Variants in ROBO2 observed in about 807,000 individuals in gnomAD.
The protein encoded by ROBO2 is roundabout homolog 2.
A neutral mutation model predicts 160.8 loss-of-function variants in ROBO2; 53 were observed. That is an observed-to-expected ratio of 0.33 (90% CI 0.26 to 0.41). The LOEUF (loss-of-function observed/expected upper bound fraction) is 0.41. Ranked by LOEUF, ROBO2 falls within the 10% of genes least tolerant of loss-of-function variation. The probability of loss-of-function intolerance (pLI) is 1.00; values close to 1 mark genes in which losing one functional copy is unlikely to be tolerated. For synonymous variants in ROBO2, 664 were observed against 611.7 expected (o/e 1.09, Z -1.26); for missense variants, 1,577 against 1,722.4 (o/e 0.92, Z 1.49).
intron 19 of ROBO2, among the ~76,000 whole-genome samples, chr3:77,600,229 G>C (rs1198236836): frequency 6.6e-6 from 1 of 152,132 alleles, no homozygotes; most frequent in Non-Finnish European, 1.5e-5. Flanking sequence ...TGGTATTATA[G>C]GACTCTCCTT....
At chr3:76,991,002 G>T (rs1169808529) in intron 2 of ROBO2, among the ~76,000 whole-genome samples, 1 of 152,170 alleles carries the variant, frequency 6.6e-6, no homozygotes, top group Non-Finnish European at 1.5e-5. Flanking sequence ...ATGCCAACTT[G>T]TAAAACCCAG....
intron 2 of ROBO2, among the ~76,000 whole-genome samples, chr3:77,417,848 T>G (rs911251646): frequency 2.0e-4 from 30 of 152,218 alleles, no homozygotes; most frequent in Non-Finnish European, 4.1e-4. Flanking sequence ...TTCTGGAAAG[T>G]TAAACCTAAA....
chr3:76,347,735 G>T (rs144185424), intron 2 of ROBO2, among the ~76,000 whole-genome samples: 1,840 of 151,962 alleles, frequency 0.012, 31 homozygotes, highest in Admixed American at 0.037. Context: ...GCACAAAAAG[G>T]CAACAGAGAA....
At chr3:77,184,570 TG>T (rs553569801) in intron 2 of ROBO2, among the ~76,000 whole-genome samples, 11 of 151,998 alleles carry the variant, frequency 7.2e-5, no homozygotes, top group African/African-American at 2.6e-4. Context: ...AAACAGAGGA[TG>T]GGGTTTGGGT....
intron 2 of ROBO2, among the ~76,000 whole-genome samples, chr3:76,073,860 C>T (rs2068556530): frequency 6.6e-6 from 1 of 151,920 alleles, no homozygotes; most frequent in South Asian, 2.1e-4. Context: ...CAAGGGTTCC[C>T]TTTTAAAAAC....
At chr3:76,389,849 A>C (rs2077064425) in intron 2 of ROBO2, among the ~76,000 whole-genome samples, 1 of 152,198 alleles carries the variant, frequency 6.6e-6, no homozygotes. Flanking sequence ...TTTCAGTTGA[A>C]CATAGATTCC....
chr3:76,714,649 A>G (rs149237089), intron 2 of ROBO2, among the ~76,000 whole-genome samples: 41 of 152,272 alleles, frequency 2.7e-4, no homozygotes, highest in African/African-American at 9.9e-4. Context: ...CAGAATTTGG[A>G]GAGTAGTCTT....
intron 2 of ROBO2, among the ~76,000 whole-genome samples, chr3:76,070,703 T>A (rs1410976591): frequency 6.6e-6 from 1 of 152,102 alleles, no homozygotes; most frequent in Non-Finnish European, 1.5e-5. Context: ...GTTTTAAAGC[T>A]GGGCATCATG....
At chr3:76,432,790 C>T (rs1161227234) in intron 2 of ROBO2, among the ~76,000 whole-genome samples, 1 of 151,206 alleles carries the variant, frequency 6.6e-6, no homozygotes, top group Non-Finnish European at 1.5e-5. Context: ...CACGCATAAC[C>T]GAAAAAACAG....
intron 2 of ROBO2, among the ~76,000 whole-genome samples, chr3:76,450,730 C>G (rs1398790479): frequency 6.6e-6 from 1 of 152,024 alleles, no homozygotes; most frequent in Non-Finnish European, 1.5e-5. Context: ...TAATGAAGAT[C>G]TACAAAGAAG....
intron 2 of ROBO2, among the ~76,000 whole-genome samples, chr3:76,497,529 C>A (rs1341090742): frequency 6.6e-6 from 1 of 152,186 alleles, no homozygotes; most frequent in Non-Finnish European, 1.5e-5. Flanking sequence ...TCTCCAACTA[C>A]TGTACCTAAA....
intron 2 of ROBO2, among the ~76,000 whole-genome samples, chr3:77,114,398 G>T (rs747928883): frequency 1.3e-5 from 2 of 152,144 alleles, no homozygotes; most frequent in African/African-American, 2.4e-5. Flanking sequence ...GCCATGAAAA[G>T]ACTTTTTTCT....
At chr3:76,636,455 T>C (rs752713976) in intron 2 of ROBO2, among the ~76,000 whole-genome samples, 3 of 152,148 alleles carry the variant, frequency 2.0e-5, no homozygotes, top group Non-Finnish European at 4.4e-5. Context: ...CAAGAGAAGC[T>C]CACGGAACCA....
At chr3:77,355,273 G>GAGAA (rs2068951955) in intron 2 of ROBO2, among the ~76,000 whole-genome samples, 2 of 148,856 alleles carry the variant, frequency 1.3e-5, no homozygotes, top group Non-Finnish European at 1.5e-5. Context: ...CTCTTGTATA[G>GAGAA]TTTTGCCTTT....
intron 2 of ROBO2, among the ~76,000 whole-genome samples, chr3:77,280,255 T>C (rs560086762): frequency 6.6e-6 from 1 of 152,318 alleles, no homozygotes; most frequent in East Asian, 1.9e-4. Flanking sequence ...TTACTCACCT[T>C]ACTTAGGCTA....
At chr3:76,542,937 C>T (rs2082896001) in intron 2 of ROBO2, among the ~76,000 whole-genome samples, 1 of 152,114 alleles carries the variant, frequency 6.6e-6, no homozygotes, top group Admixed American at 6.6e-5. Context: ...AAATCCATTC[C>T]TTCCTAGGGT....
At chr3:77,131,027 T>C (rs2075810695) in intron 2 of ROBO2, among the ~76,000 whole-genome samples, 1 of 152,196 alleles carries the variant, frequency 6.6e-6, no homozygotes, top group Admixed American at 6.5e-5. Flanking sequence ...CTTTGAAATA[T>C]ATATATTATT....
chr3:77,518,224 T>A (rs943511485), intron 5 of ROBO2, among the ~76,000 whole-genome samples: 14 of 151,458 alleles, frequency 9.2e-5, no homozygotes, highest in Non-Finnish European at 1.5e-4. Context: ...GGAGGACTGA[T>A]TGGTTGCATG....
chr3:76,068,841 T>G (rs1202042656), intron 2 of ROBO2, among the ~76,000 whole-genome samples: 2 of 152,198 alleles, frequency 1.3e-5, no homozygotes, highest in Non-Finnish European at 2.9e-5. Context: ...CTTTTAGTCC[T>G]TTTCACAGAA....
Sources: gnomAD v4.1 joint callset for allele counts (sites outside exome capture counted in the v4.1 genomes callset) on GRCh38, gnomAD v4.1.1 for gene constraint, MANE v1.5 for transcripts, NCBI Gene and HGNC (gene_info 2026-07-23, HGNC 2026-07-21) for gene names.